Variants in L3MBTL4 observed in about 807,000 individuals in gnomAD.
The protein encoded by L3MBTL4 is lethal(3)malignant brain tumor-like protein 4.
A neutral mutation model predicts 84.5 loss-of-function variants in L3MBTL4; 70 were observed. The observed-to-expected ratio is 0.83, with a 90% CI of 0.68 to 1.01. The LOEUF is 1.01. Ranked by LOEUF, L3MBTL4 falls within the 50% of genes least tolerant of loss-of-function variation. The pLI, the probability that L3MBTL4 is intolerant of heterozygous loss-of-function variation, is 0.00. For synonymous variants in L3MBTL4, 274 were observed against 259.8 expected (o/e 1.05, Z -0.52); for missense variants, 715 against 754.8 (o/e 0.95, Z 0.62).
chr18:6,231,151 C>T (rs1194289287), intron 10 of L3MBTL4, among the ~76,000 whole-genome samples: 1 of 152,030 alleles, frequency 6.6e-6, no homozygotes, highest in African/African-American at 2.4e-5. Flanking sequence ...AAATCTTTGC[C>T]AGGGCCTATA....
At chr18:6,188,853 G>A (rs935004631) in intron 12 of L3MBTL4, among the ~76,000 whole-genome samples, 9 of 152,308 alleles carry the variant, frequency 5.9e-5, no homozygotes, top group African/African-American at 2.2e-4. Flanking sequence ...GGGAGTACAG[G>A]GAAGTCCTTT....
At chr18:6,261,382 C>T (rs118172799) in intron 5 of L3MBTL4, among the ~76,000 whole-genome samples, 1 of 152,178 alleles carries the variant, frequency 6.6e-6, no homozygotes, top group Non-Finnish European at 1.5e-5. Context: ...TCAGAGATGA[C>T]AAATATTAGA....
At chr18:6,372,900 G>T (rs1339597244) in intron 1 of L3MBTL4, among the ~76,000 whole-genome samples, 2 of 152,092 alleles carry the variant, frequency 1.3e-5, no homozygotes, top group African/African-American at 4.8e-5. Flanking sequence ...TGCAAATAAT[G>T]GGAAGAAAGT....
At chr18:6,051,595 T>C (rs1006194398) in intron 16 of L3MBTL4, among the ~76,000 whole-genome samples, 1 of 151,442 alleles carries the variant, frequency 6.6e-6, no homozygotes, top group Non-Finnish European at 1.5e-5. Context: ...CTTTCCTTGG[T>C]AGGACAGATT....
chr18:6,095,602 G>A (rs554867422), intron 14 of L3MBTL4, among the ~76,000 whole-genome samples: 2 of 152,166 alleles, frequency 1.3e-5, no homozygotes, highest in East Asian at 1.9e-4. Flanking sequence ...CGCCCACCTC[G>A]GCCTCCCGAA....
chr18:5,958,268 T>C (rs1019910145), intron 18 of L3MBTL4, among the ~76,000 whole-genome samples: 5 of 152,208 alleles, frequency 3.3e-5, no homozygotes, highest in African/African-American at 9.7e-5. Flanking sequence ...TTTGAAGTTA[T>C]AATATTTAAA....
At chr18:6,348,564 T>C (rs2053030775) in intron 1 of L3MBTL4, among the ~76,000 whole-genome samples, 2 of 152,044 alleles carry the variant, frequency 1.3e-5, no homozygotes, top group Non-Finnish European at 2.9e-5. Flanking sequence ...TCCAGATGCA[T>C]TGTAGATCTA....
At chr18:6,363,284 A>G (rs1000132374) in intron 1 of L3MBTL4, among the ~76,000 whole-genome samples, 5 of 152,148 alleles carry the variant, frequency 3.3e-5, no homozygotes, top group Admixed American at 6.5e-5. Context: ...TGAACCGTCC[A>G]GGGGCAGCCC....
intron 16 of L3MBTL4, chr18:6,031,314 A>G: frequency 2.0e-6 from 2 of 985,418 alleles, no homozygotes; most frequent in Non-Finnish European, 2.4e-6. Flanking sequence ...CATTTGGGTT[A>G]TAGGTTTTCT....
chr18:5,977,581 A>T (rs2053006203), intron 16 of L3MBTL4, among the ~76,000 whole-genome samples: 1 of 152,250 alleles, frequency 6.6e-6, no homozygotes, highest in African/African-American at 2.4e-5. Flanking sequence ...GTGGCAGATA[A>T]GACACGTCCT....
chr18:6,290,208 G>A (rs1446001634), intron 4 of L3MBTL4, among the ~76,000 whole-genome samples: 1 of 151,738 alleles, frequency 6.6e-6, no homozygotes, highest in East Asian at 1.9e-4. Flanking sequence ...GAGGTGCCGT[G>A]CCCAGCCTAC....
intron 4 of L3MBTL4, among the ~76,000 whole-genome samples, chr18:6,284,098 G>A (rs995265181): frequency 6.6e-6 from 1 of 152,138 alleles, no homozygotes; most frequent in African/African-American, 2.4e-5. Context: ...CTGTCTTAGG[G>A]GAAAATCTTT....
Position 6,049,800 on chromosome 18 carries a change from G to A in L3MBTL4, c.1444+31081C>T, listed in dbSNP as rs1420962113. Among the ~76,000 whole-genome samples the A allele has an allele frequency of 3.9e-5, 6 of 152,116 alleles. No homozygotes were observed. The East Asian group carries it at 1.2e-3, about 29-fold the overall frequency. On this transcript the variant is annotated intron_variant, in intron 16 of 18. Transcript: ENST00000317931. ...GTACTTGGGTGATGGGATTATTCAC[G>A]CCCCAAACCTCAGCATCATGTAATA...
At chr18:6,057,320 C>T (rs964854635) in intron 16 of L3MBTL4, among the ~76,000 whole-genome samples, 2 of 152,170 alleles carry the variant, frequency 1.3e-5, no homozygotes, top group African/African-American at 2.4e-5. Flanking sequence ...CAGGCATGGG[C>T]CATTGCGCCT....
At chr18:6,225,026 G>A (rs2046718935) in intron 10 of L3MBTL4, among the ~76,000 whole-genome samples, 1 of 152,122 alleles carries the variant, frequency 6.6e-6, no homozygotes, top group Non-Finnish European at 1.5e-5. Flanking sequence ...GATCACAGAG[G>A]ATCCATAAGA....
chr18:6,080,988 T>C (rs903002223), intron 15 of L3MBTL4, 37 bp from the exon 16 acceptor site: 30 of 1,478,654 alleles, frequency 2.0e-5, no homozygotes, highest in Non-Finnish European at 2.1e-5. Flanking sequence ...AGATTCATTA[T>C]CCTGTGAGGT....
intron 16 of L3MBTL4, among the ~76,000 whole-genome samples, chr18:6,009,100 G>A (rs2054618729): frequency 1.3e-5 from 2 of 152,194 alleles, no homozygotes; most frequent in South Asian, 4.1e-4. Flanking sequence ...CAGACAGAAT[G>A]ACCTTGGCTA....
chr18:6,010,800 T>A (rs1205028516), intron 16 of L3MBTL4, among the ~76,000 whole-genome samples: 1 of 152,156 alleles, frequency 6.6e-6, no homozygotes, highest in Non-Finnish European at 1.5e-5. Flanking sequence ...AAACATAGGA[T>A]CTTCCCTGTG....
rs186945901 is a variant in L3MBTL4 at position 6,019,921 on chromosome 18, C to T, written c.1445-50359G>A. Among the ~76,000 whole-genome samples, 8 of 152,212 alleles carry T rather than the reference C, an allele frequency of 5.3e-5. No individual in the cohort carries two copies. In the East Asian group the frequency reaches 1.5e-3, roughly 29 times the overall value. On this transcript the variant is annotated intron_variant, in intron 16 of 18. Transcript: ENST00000317931. Reference sequence around the variant, plus strand: ...CTTTAAAAGTTTGTGTCCTTGAAAACAGGAGGCATGTCCTCTTGTCCATCT... The same window carrying T: ...CTTTAAAAGTTTGTGTCCTTGAAAATAGGAGGCATGTCCTCTTGTCCATCT...
Sources: gnomAD v4.1 joint callset for allele counts (sites outside exome capture counted in the v4.1 genomes callset) on GRCh38, gnomAD v4.1.1 for gene constraint, MANE v1.5 for transcripts, NCBI Gene and HGNC (gene_info 2026-07-23, HGNC 2026-07-21) for gene names.